The following PPP1R12A variants were observed in gnomAD, a reference collection of about 807,000 sequenced individuals.
The protein encoded by PPP1R12A is myosin binding subunit.
PPP1R12A carries 19 observed loss-of-function variants against 139.6 expected under a neutral mutation model. That is an observed-to-expected ratio of 0.14 (90% confidence interval 0.09 to 0.20). The LOEUF is 0.20. Among genes scored for constraint, PPP1R12A ranks in the 10% least tolerant of loss-of-function variants. The pLI is 1.00. For synonymous variants in PPP1R12A, 427 were observed against 420.6 expected (o/e 1.02, Z -0.19); for missense variants, 925 against 1,211.5 (o/e 0.76, Z 3.51).
intron 2 of PPP1R12A, among the ~76,000 whole-genome samples, chr12:79,868,338 T>C (rs1345637281): frequency 6.6e-6 from 1 of 152,196 alleles, no homozygotes; most frequent in Non-Finnish European, 1.5e-5. Context: ...TCATTTTTGA[T>C]CCATAGCCAA....
Position 79,820,790 on chromosome 12 carries a change from T to C in PPP1R12A, c.1098A>G (p.Glu366=), listed in dbSNP as rs775452060. 1 of 1,612,766 alleles carries C rather than the reference T, an allele frequency of 6.2e-7. No homozygotes were observed. The highest frequency in any genetic ancestry group is 8.5e-7 in the Non-Finnish European group (1 of 1,179,602). ...TAATTTTACCTGTTTCAGCTTCTGATTCCGAGTCATCTTCCTCATCTTCTT... is the reference window on the plus strand; with the variant it reads ...TAATTTTACCTGTTTCAGCTTCTGACTCCGAGTCATCTTCCTCATCTTCTT... ...SSEEDEEDDS[E]SEAETDKTKP... The change falls in exon 8 of 25, where the codon GAA becomes GAG. Residue 366 remains glutamate (E), a synonymous_variant. Transcript: ENST00000450142.
chr12:79,851,519 T>C (rs957527921), intron 2 of PPP1R12A, among the ~76,000 whole-genome samples: 3 of 152,210 alleles, frequency 2.0e-5, no homozygotes, highest in African/African-American at 7.2e-5. Context: ...ATTCAAACTA[T>C]TTATCCCCCC....
chr12:79,809,844 C>A lies in PPP1R12A; in HGVS notation c.1406G>T (p.Arg469Leu). The A allele has an allele frequency of 6.2e-7, 1 of 1,613,468 alleles. No individual in the cohort carries two copies. The highest frequency in any genetic ancestry group is 8.5e-7 in the Non-Finnish European group (1 of 1,179,650). The change falls in exon 10 of 25, where the codon CGT becomes CTT. Residue 469 changes from arginine to leucine, a missense_variant. Arg to Leu is a moderately radical substitution (Grantham distance 102). This residue lies in a region of PPP1R12A where 403 missense variants were observed against 463.7 expected (regional missense o/e 0.87). Coordinates refer to ENST00000450142, the MANE Select transcript of PPP1R12A (RefSeq NM_002480.3). ...QKEKDTAGVTRSASSPRLSSS... is the reference protein window; with the variant it reads ...QKEKDTAGVTLSASSPRLSSS... ...GGAAAGTCTGGGACTTGAAGCTGAA[C>A]GTGTAACACCTGCAGTATCTTTTTC...
intron 1 of PPP1R12A, among the ~76,000 whole-genome samples, chr12:79,925,264 G>A (rs748876650): frequency 6.7e-6 from 1 of 150,244 alleles, no homozygotes; most frequent in African/African-American, 2.4e-5. Context: ...ACGTGTACGT[G>A]TGTGTGTGTG....
intron 2 of PPP1R12A, among the ~76,000 whole-genome samples, chr12:79,852,306 T>C (rs1366833451): frequency 6.6e-6 from 1 of 151,542 alleles, no homozygotes; most frequent in African/African-American, 2.4e-5. Context: ...TCCTCCCACC[T>C]AAGCCTCCCG....
chr12:79,880,230 G>A (rs1277315163), intron 1 of PPP1R12A, among the ~76,000 whole-genome samples: 2 of 152,034 alleles, frequency 1.3e-5, no homozygotes, highest in South Asian at 2.1e-4. Flanking sequence ...AAAATATCAC[G>A]GAGGACATAA....
At chr12:79,873,087 A>G (rs1460721868) in intron 1 of PPP1R12A, 149 bp from the exon 2 acceptor site, 1 of 921,452 alleles carries the variant, frequency 1.1e-6, no homozygotes, top group Non-Finnish European at 1.6e-6. Context: ...ATACTCCATC[A>G]AACATGCTAA....
At chr12:79,810,441 C>T (rs1022929268) in intron 9 of PPP1R12A, among the ~76,000 whole-genome samples, 3 of 152,124 alleles carry the variant, frequency 2.0e-5, no homozygotes, top group South Asian at 2.1e-4. Flanking sequence ...GCCAGTTTTG[C>T]GCAAGCCCTG....
At chr12:79,880,035 A>G (rs1179848426) in intron 1 of PPP1R12A, among the ~76,000 whole-genome samples, 1 of 152,144 alleles carries the variant, frequency 6.6e-6, no homozygotes, top group Admixed American at 6.5e-5. Context: ...TTTCCCCAAG[A>G]ATTCTAGCAT....
intron 1 of PPP1R12A, among the ~76,000 whole-genome samples, chr12:79,879,081 T>C (rs982912564): frequency 1.3e-5 from 2 of 152,018 alleles, no homozygotes; most frequent in African/African-American, 4.8e-5. Context: ...TAAACGGTAA[T>C]GTGGAAAAAC....
At chr12:79,905,334 T>G (rs1886000882) in intron 1 of PPP1R12A, among the ~76,000 whole-genome samples, 1 of 52,596 alleles carries the variant, frequency 1.9e-5, no homozygotes, top group African/African-American at 3.5e-5. Flanking sequence ...ATGTTTTGTT[T>G]TGCCGCCCCC....
chr12:79,908,049 A>T (rs1230868713), intron 1 of PPP1R12A, among the ~76,000 whole-genome samples: 1 of 152,114 alleles, frequency 6.6e-6, no homozygotes, highest in South Asian at 2.1e-4. Flanking sequence ...ACATACACTA[A>T]ATTTCTGAAG....
intron 5 of PPP1R12A, among the ~76,000 whole-genome samples, chr12:79,827,857 C>A (rs1876980626): frequency 6.6e-6 from 1 of 152,098 alleles, no homozygotes; most frequent in South Asian, 2.1e-4. Flanking sequence ...ACTGTCATCA[C>A]CTGCTGTAAG....
chr12:79,851,992 C>T (rs2765846), intron 2 of PPP1R12A, among the ~76,000 whole-genome samples: 12,011 of 152,034 alleles, frequency 0.079, 784 homozygotes, highest in East Asian at 0.33. Flanking sequence ...TATTTCTTTG[C>T]TAAGACTTTC....
At chr12:79,796,204 G>T (rs1872492953) in intron 17 of PPP1R12A, among the ~76,000 whole-genome samples, 1 of 151,990 alleles carries the variant, frequency 6.6e-6, no homozygotes, top group African/African-American at 2.4e-5. Flanking sequence ...AATATGAAAT[G>T]CCTATATTTA....
At chr12:79,785,953 GTTATGA>G (rs1238755322) in intron 22 of PPP1R12A, among the ~76,000 whole-genome samples, 1 of 152,082 alleles carries the variant, frequency 6.6e-6, no homozygotes, top group Non-Finnish European at 1.5e-5. Context: ...TACAAAAGGA[GTTATGA>G]TTAAAATTAT....
At chr12:79,839,096 C>G (rs991684870) in intron 3 of PPP1R12A, among the ~76,000 whole-genome samples, 5 of 152,142 alleles carry the variant, frequency 3.3e-5, no homozygotes, top group Non-Finnish European at 7.4e-5. Context: ...GAGCCCACCT[C>G]TTACATCAGC....
In PPP1R12A at chr12:79,820,795, A is replaced by G. The variant is rs1223703345; in HGVS notation, c.1093T>C (p.Ser365Pro). 6.2e-7 allele frequency: 1 copy of G among 1,612,766 alleles called. No individual in the cohort carries two copies. The highest frequency in any genetic ancestry group is 8.5e-7 in the Non-Finnish European group (1 of 1,179,588). The stretch of plus-strand genomic sequence containing the variant: ...TTACCTGTTTCAGCTTCTGATTCCG[A>G]GTCATCTTCCTCATCTTCTTCACTA... ...CSSEEDEEDD[S>P]ESEAETDKTK... is the part of the protein sequence containing the mutation. The change falls in exon 8 of 25, where the codon TCG (serine) becomes CCG (proline). Residue 365 changes from serine to proline, a missense_variant. Coordinates refer to ENST00000450142, the MANE Select transcript of PPP1R12A (RefSeq NM_002480.3).
intron 5 of PPP1R12A, 48 bp downstream of exon 5, chr12:79,828,272 A>T (rs1326439438): frequency 1.3e-6 from 2 of 1,500,390 alleles, no homozygotes; most frequent in Admixed American, 1.9e-5. Flanking sequence ...ACTTTCTAAA[A>T]CTATATTTCT....
Sources: allele counts gnomAD v4.1 joint callset (sites outside exome capture counted in the v4.1 genomes callset), GRCh38; gene constraint gnomAD v4.1.1; regional missense constraint gnomAD v4.1.1; transcripts MANE v1.5; gene names NCBI Gene and HGNC (gene_info 2026-07-23, HGNC 2026-07-21).